Variants in PXDN observed in about 807,000 individuals in gnomAD.
PXDN encodes the protein peroxidasin homolog.
In PXDN, 77 loss-of-function variants were observed where a neutral mutation model predicts 140.3. That is an observed-to-expected ratio of 0.55 (90% CI 0.46 to 0.66). The LOEUF is 0.66. Ranked by LOEUF, PXDN falls within the 30% of genes least tolerant of loss-of-function variation. The pLI is 0.00. For synonymous variants in PXDN, 911 were observed against 857.4 expected (o/e 1.06, Z -1.09); for missense variants, 1,838 against 2,039.5 (o/e 0.90, Z 1.90).
chr2:1,699,397 T>C (rs556603997), intron 1 of PXDN, among the ~76,000 whole-genome samples: 1 of 152,356 alleles, frequency 6.6e-6, no homozygotes, highest in Admixed American at 6.5e-5. Flanking sequence ...GTGTTTGAAT[T>C]CATTTTTAAA....
At chr2:1,725,143 G>A (rs1685147207) in intron 1 of PXDN, among the ~76,000 whole-genome samples, 1 of 151,926 alleles carries the variant, frequency 6.6e-6, no homozygotes, top group Non-Finnish European at 1.5e-5. Context: ...TTGTTTTCTT[G>A]ATTCCCTTTT....
In PXDN at chr2:1,649,370, C is replaced by T. The variant is rs543354457; in HGVS notation, c.2410G>A (p.Gly804Arg). The stretch of plus-strand genomic sequence containing the variant: ...TCGTCGGGTGTGACGGTCTCCGTCC[C>T]GATCAGGGTGGTGGACACCAGGCGC... ...MPRLVSTTLI[G>R]TETVTPDEQF... Residue 804 changes from glycine to arginine, a missense_variant, in exon 17 of 23, where the codon GGG becomes AGG. This residue lies in a region of PXDN where 537 missense variants were observed against 583.9 expected (regional missense o/e 0.92). Transcript: ENST00000252804. This position sits in a 1 kb window ranked among gnomAD's most constrained non-coding sequence, Gnocchi z 7.1. 9 of 1,613,950 alleles carry T rather than the reference C, an allele frequency of 5.6e-6. No homozygotes were observed. Among genetic ancestry groups the T allele is most frequent in the East Asian group, 2.2e-5 (1 of 44,848 alleles).
Position 1,684,242 on chromosome 2 carries a change from ATTCAG to A in PXDN, c.417-96_417-92del, listed in dbSNP as rs772714409. On this transcript the variant is annotated intron_variant, in intron 4 of 22. Coordinates refer to ENST00000252804, the MANE Select transcript of PXDN (RefSeq NM_012293.3). ...CAAATTTTTTTCCTAGTCATTTCAA[ATTCAG>A]ATATCAATAGATAGCTCACTCACTA... 4.7e-4 allele frequency: 475 copies of A among 1,008,454 alleles called. 1 individual carries two copies. Among genetic ancestry groups the A allele is most frequent in the Non-Finnish European group, 6.7e-4 (446 of 663,556 alleles). The allele number at this position is 1,008,454 out of a possible 1,614,324, so 62.5% of individuals were successfully genotyped here. A position where few individuals can be genotyped will look rare whatever the true frequency, so the allele number is the denominator to read the frequency against.
Position 1,648,183 on chromosome 2 carries a change from C to T in PXDN, c.3597G>A (p.Glu1199=), listed in dbSNP as rs762535800. The change falls in exon 17 of 23, where the codon GAG becomes GAA. Residue 1199 remains glutamate, a synonymous_variant. Coordinates refer to ENST00000252804, the MANE Select transcript of PXDN (RefSeq NM_012293.3). This position sits in a 1 kb window ranked among gnomAD's most constrained non-coding sequence, Gnocchi z 8.9. ...CCTCTTCAGCTCACCTTTTCAGTTT[C>T]TCCCGGATCTCAGGGTTTTTAATCT... ...KNEIKNPEIR[E]KLKRLYGSTL... 8 of 1,611,708 alleles carry T rather than the reference C, an allele frequency of 5.0e-6. No homozygotes were observed. The highest frequency in any genetic ancestry group is 1.3e-5 in the African/African-American group (1 of 74,880).
chr2:1,740,884 T>C (rs1685527821), intron 1 of PXDN, among the ~76,000 whole-genome samples: 1 of 152,170 alleles, frequency 6.6e-6, no homozygotes, highest in African/African-American at 2.4e-5. Flanking sequence ...CTGGCTGCCA[T>C]GCGCCTGCCT....
intron 1 of PXDN, among the ~76,000 whole-genome samples, chr2:1,697,951 G>A (rs1247398143): frequency 1.3e-5 from 2 of 152,224 alleles, no homozygotes; most frequent in African/African-American, 2.4e-5. Flanking sequence ...TATAAGTGGC[G>A]TGATTACTAA....
Position 1,654,507 on chromosome 2 carries a change from A to T in PXDN, c.1839T>A (p.Val613=). Residue 613 remains valine (V), a splice_region_variant and synonymous_variant, in exon 15 of 23, where the codon GTT becomes GTA. Transcript: ENST00000252804. Reference sequence around the variant, plus strand: ...GATCTCCATTTCGACTGACGTCAGGAACTAGGAAAATACAAAGTCGCGTAT... The same window carrying T: ...GATCTCCATTTCGACTGACGTCAGGTACTAGGAAAATACAAAGTCGCGTAT... ...ASVSMVLSVN[V]PDVSRNGDPF... 1 of 1,608,986 alleles carries T rather than the reference A, an allele frequency of 6.2e-7. No individual in the cohort carries two copies. The highest frequency in any genetic ancestry group is 8.5e-7 in the Non-Finnish European group (1 of 1,175,410).
intron 1 of PXDN, among the ~76,000 whole-genome samples, chr2:1,706,531 C>G (rs796233631): frequency 1.1e-4 from 15 of 140,812 alleles, no homozygotes; most frequent in East Asian, 2.1e-4. Context: ...TCAGTGTTCA[C>G]CAATCAGCTC....
intron 9 of PXDN, among the ~76,000 whole-genome samples, chr2:1,671,608 T>C (rs927107500): frequency 6.6e-6 from 1 of 152,214 alleles, no homozygotes; most frequent in African/African-American, 2.4e-5. Flanking sequence ...ATCAAAAATG[T>C]AATTCATCAG....
chr2:1,718,835 A>T (rs979391064), intron 1 of PXDN, among the ~76,000 whole-genome samples: 1 of 152,242 alleles, frequency 6.6e-6, no homozygotes, highest in African/African-American at 2.4e-5. Flanking sequence ...CAGGCTGAGG[A>T]AGAAATGGCC....
At chr2:1,665,512 T>C (rs1015540048) in intron 10 of PXDN, among the ~76,000 whole-genome samples, 2 of 152,252 alleles carry the variant, frequency 1.3e-5, no homozygotes, top group Admixed American at 6.5e-5. Flanking sequence ...AATAGTATTG[T>C]CTGGTATGAT....
chr2:1,687,843 T>C lies in PXDN; in HGVS notation c.345-140A>G, dbSNP rs1471143638. Reference sequence around the variant, plus strand: ...GAATGCAAACAAACCATCTGCACGGTGAGTACAGTGCCTCTCCCAAGGGCT... The same window carrying C: ...GAATGCAAACAAACCATCTGCACGGCGAGTACAGTGCCTCTCCCAAGGGCT... On this transcript the variant is annotated intron_variant, in intron 3 of 22. Coordinates refer to ENST00000252804, the MANE Select transcript of PXDN (RefSeq NM_012293.3). The surrounding 1 kb of genome is among the most constrained non-coding windows in gnomAD (Gnocchi z 4.0). 1 of 620,348 alleles carries C rather than the reference T, an allele frequency of 1.6e-6. No homozygotes were observed. Among genetic ancestry groups the C allele is most frequent in the Non-Finnish European group, 2.7e-6 (1 of 364,590 alleles). 38.4% of individuals were successfully genotyped at this position (620,348 alleles called of 1,614,324 possible).
chr2:1,712,371 T>G (rs2125471420), intron 1 of PXDN, among the ~76,000 whole-genome samples: 1 of 152,354 alleles, frequency 6.6e-6, no homozygotes, highest in African/African-American at 2.4e-5. Context: ...TTGTAATGCA[T>G]CATGTCTTAA....
intron 1 of PXDN, among the ~76,000 whole-genome samples, chr2:1,709,376 G>A (rs1418758042): frequency 1.3e-5 from 2 of 152,174 alleles, no homozygotes; most frequent in Non-Finnish European, 2.9e-5. Flanking sequence ...AGGGTGTGTG[G>A]TGTTTGCTGA....
intron 1 of PXDN, among the ~76,000 whole-genome samples, chr2:1,727,964 C>G (rs754582224): frequency 7.7e-4 from 117 of 152,198 alleles, no homozygotes; most frequent in Non-Finnish European, 1.4e-3. Context: ...GAGACAGGGT[C>G]TGGCTCTATT....
At chr2:1,644,028 C>T (rs1261098246) in intron 18 of PXDN, among the ~76,000 whole-genome samples, 5 of 134,066 alleles carry the variant, frequency 3.7e-5, no homozygotes, top group Admixed American at 8.2e-5. Context: ...GTCGAGATCG[C>T]GCCACTGCAC....
chr2:1,735,876 T>G (rs541460995), intron 1 of PXDN, among the ~76,000 whole-genome samples: 121 of 152,342 alleles, frequency 7.9e-4, no homozygotes, highest in African/African-American at 2.9e-3. Flanking sequence ...GAAGGCTGCT[T>G]TGTCCACATT....
rs1415068699 is a variant in PXDN, at chr2:1,689,264, AGTT to A, written c.345-1564_345-1562del. Among the ~76,000 whole-genome samples the A allele has an allele frequency of 6.6e-5, 10 of 152,324 alleles. No individual in the cohort carries two copies. The South Asian group carries it at 2.1e-3, about 32-fold the overall frequency. Reference sequence around the variant, plus strand: ...ACACATTAACCATTGTTCACATGGGAGTTGTTACTATACTTCTACAGAAGGCAA... The same window carrying A: ...ACACATTAACCATTGTTCACATGGGAGTTACTATACTTCTACAGAAGGCAA... On this transcript the variant is annotated intron_variant, in intron 3 of 22. Coordinates refer to ENST00000252804, the MANE Select transcript of PXDN (RefSeq NM_012293.3).
rs1216184609 is a variant in PXDN at position 1,687,629 on chromosome 2, T to TA, written c.416+2dup. 14 of 1,494,484 alleles carry TA rather than the reference T, an allele frequency of 9.4e-6. No individual in the cohort carries two copies. Among genetic ancestry groups the TA allele is most frequent in the Non-Finnish European group, 1.3e-5 (14 of 1,079,088 alleles). The allele number at this position is 1,494,484 out of a possible 1,614,324, so 92.6% of individuals were successfully genotyped here. On this transcript the variant is annotated splice_region_variant and intron_variant, in intron 4 of 22. Transcript: ENST00000252804. The surrounding 1 kb of genome is among the most constrained non-coding windows in gnomAD (Gnocchi z 4.0). ...CTAAAGCACGAAGAGAAGGGGCACT[T>TA]ACAGTTGCTCTAGAGAGGCAAGTCC...
Sources: gnomAD v4.1 joint callset for allele counts (sites outside exome capture counted in the v4.1 genomes callset) on GRCh38, gnomAD v4.1.1 for gene constraint, gnomAD v4.1.1 regional missense constraint, Gnocchi (gnomAD v3.1) non-coding constraint, MANE v1.5 for transcripts, NCBI Gene and HGNC (gene_info 2026-07-23, HGNC 2026-07-21) for gene names.